ZW10: variants seen among roughly 807,000 people sequenced by gnomAD.
ZW10 encodes zw10 kinetochore protein, also known as centromere/kinetochore protein zw10 homolog.
In ZW10, 53 loss-of-function variants were observed where a neutral mutation model predicts 87.8. The ratio of observed to expected loss-of-function variants is 0.60; its 90% CI spans 0.48 to 0.76. ZW10 has a LOEUF of 0.76. Ranked by LOEUF, ZW10 falls within the 30% of genes least tolerant of loss-of-function variation. ZW10 has a pLI of 0.00. For missense variants in ZW10, 837 were observed against 923.0 expected (o/e 0.91, Z 1.21); for synonymous variants, 312 against 329.2 (o/e 0.95, Z 0.57).
At chr11:113,755,448 A>C (rs1257808114) in intron 7 of ZW10, among the ~76,000 whole-genome samples, 3 of 152,204 alleles carry the variant, frequency 2.0e-5, no homozygotes, top group Non-Finnish European at 4.4e-5. Context: ...AATTGCTGCA[A>C]TCTCATGATA....
chr11:113,764,338 A>C, intron 2 of ZW10, among the ~76,000 whole-genome samples: 1 of 152,202 alleles, frequency 6.6e-6, no homozygotes, highest in Non-Finnish European at 1.5e-5. Context: ...TGTCTTGGCT[A>C]TATGGGTCTT....
chr11:113,742,950 C>A (rs1393559855), intron 10 of ZW10, among the ~76,000 whole-genome samples: 2 of 152,202 alleles, frequency 1.3e-5, no homozygotes, highest in Non-Finnish European at 2.9e-5. Flanking sequence ...CTAACTGAAA[C>A]TGTTTTCTCT....
intron 15 of ZW10, 107 bp from the exon 16 acceptor site, chr11:113,733,921 T>A: frequency 7.4e-7 from 1 of 1,344,662 alleles, no homozygotes; most frequent in African/African-American, 1.5e-5. Flanking sequence ...GAAATGGAAA[T>A]AAAACAAATC....
intron 15 of ZW10, among the ~76,000 whole-genome samples, chr11:113,734,774 C>T (rs1282607253): frequency 6.6e-6 from 1 of 150,424 alleles, no homozygotes; most frequent in Non-Finnish European, 1.5e-5. Flanking sequence ...CACTGCACTC[C>T]AGCCTGGGCG....
Position 113,738,424 on chromosome 11 carries a change from TA to T in ZW10, c.1754-31del, listed in dbSNP as rs764492934. The T allele has an allele frequency of 3.7e-6, 6 of 1,604,318 alleles. No individual in the cohort carries two copies. In the African/African-American group the frequency reaches 8.1e-5, roughly 22 times the overall value. On this transcript the variant is annotated intron_variant, in intron 12 of 15. Coordinates refer to ENST00000200135, the MANE Select transcript of ZW10 (RefSeq NM_004724.4). ...GATGGAAAAACAGAATAAAAAATTT[TA>T]AAAGCTGCTCAATTACACACTGCAA... is the stretch of plus-strand genomic sequence containing the variant.
intron 2 of ZW10, among the ~76,000 whole-genome samples, chr11:113,763,642 T>C (rs1386397874): frequency 6.6e-6 from 1 of 152,256 alleles, no homozygotes; most frequent in Non-Finnish European, 1.5e-5. Context: ...TTCATGTTTG[T>C]AGGCCGCATA....
Position 113,760,537 on chromosome 11 carries a change from G to C in ZW10, c.396C>G (p.Val132=). The change falls in exon 4 of 16, where the codon GTC becomes GTG. Residue 132 remains valine (V), a synonymous_variant. Coordinates refer to ENST00000200135, the MANE Select transcript of ZW10 (RefSeq NM_004724.4). ...YNCALTEKKY[V]TGAQRLEEAQ... is the part of the protein sequence containing the mutation. ...CCTCTTCCAGACGCTGAGCACCAGT[G>C]ACATACTTCTTCTCTGTTAATGCAC... The C allele has an allele frequency of 6.2e-7, 1 of 1,613,818 alleles. No homozygotes were observed. The highest frequency in any genetic ancestry group is 1.1e-5 in the South Asian group (1 of 90,986).
chr11:113,768,606 C>T lies in ZW10; in HGVS notation c.240+227G>A, dbSNP rs1483267394. Among the ~76,000 whole-genome samples, 4 of 152,124 alleles carry T rather than the reference C, an allele frequency of 2.6e-5. No homozygotes were observed. The South Asian group carries it at 8.3e-4, about 31-fold the overall frequency. ...GTGCTGGGATTACAGGCATGATGCA[C>T]CGGGCCTGGTCAAATTTTCTTCCAT... On this transcript the variant is annotated intron_variant, in intron 2 of 15. Coordinates refer to ENST00000200135, the MANE Select transcript of ZW10 (RefSeq NM_004724.4).
chr11:113,755,076 G>A (rs180834152), intron 7 of ZW10, among the ~76,000 whole-genome samples: 2 of 152,338 alleles, frequency 1.3e-5, no homozygotes, highest in East Asian at 3.9e-4. Context: ...TAAACAAGGA[G>A]ATTAATATGT....
chr11:113,736,274 CAA>C (rs113525581), intron 15 of ZW10, among the ~76,000 whole-genome samples: 5 of 136,404 alleles, frequency 3.7e-5, no homozygotes, highest in Admixed American at 7.4e-5. Flanking sequence ...GACCATGTCT[CAA>C]AAAAAAAAAA....
At chr11:113,766,673 CAA>C (rs34081366) in intron 2 of ZW10, among the ~76,000 whole-genome samples, 440 of 27,552 alleles carry the variant, frequency 0.016, no homozygotes, top group African/African-American at 0.053. Flanking sequence ...GACTCCATCT[CAA>C]AAAAAAAAAA....
intron 7 of ZW10, among the ~76,000 whole-genome samples, chr11:113,753,980 G>A (rs1321582308): frequency 6.6e-6 from 1 of 152,228 alleles, no homozygotes; most frequent in Non-Finnish European, 1.5e-5. Context: ...ACCTAGCTAA[G>A]ATAACCGACA....
chr11:113,763,729 G>A (rs1953885566), intron 2 of ZW10, among the ~76,000 whole-genome samples: 1 of 152,010 alleles, frequency 6.6e-6, no homozygotes, highest in South Asian at 2.1e-4. Context: ...TTATAAATAT[G>A]TTTAAGTTCC....
intron 15 of ZW10, 118 bp downstream of exon 15, chr11:113,736,502 A>G (rs999709788): frequency 2.0e-6 from 2 of 984,238 alleles, no homozygotes; most frequent in Admixed American, 3.8e-5. Flanking sequence ...CTGCTACTCA[A>G]TATGAAAGTC....
chr11:113,737,730 G>A (rs1001198413), intron 13 of ZW10, 27 bp from the exon 14 acceptor site: 10 of 1,561,348 alleles, frequency 6.4e-6, no homozygotes, highest in Non-Finnish European at 8.7e-6. Context: ...CTATTTACGT[G>A]GAAGAAAGAT....
intron 2 of ZW10, among the ~76,000 whole-genome samples, chr11:113,768,046 G>C (rs911253588): frequency 6.6e-6 from 1 of 152,072 alleles, no homozygotes; most frequent in Non-Finnish European, 1.5e-5. Context: ...CTATTACCAG[G>C]CACGAGATTC....
intron 1 of ZW10, among the ~76,000 whole-genome samples, chr11:113,771,009 G>A (rs1257580320): frequency 4.5e-5 from 6 of 133,486 alleles, no homozygotes; most frequent in Non-Finnish European, 9.3e-5. Context: ...GTCTCACTCC[G>A]TCGCCCAGGC....
chr11:113,735,711 T>G (rs754517113), intron 15 of ZW10, among the ~76,000 whole-genome samples: 1 of 152,202 alleles, frequency 6.6e-6, no homozygotes, highest in Non-Finnish European at 1.5e-5. Flanking sequence ...CTATTCTGCT[T>G]TGTGCAACGG....
chr11:113,748,398 C>A lies in ZW10; in HGVS notation c.948G>T (p.Leu316=). 1 of 1,602,862 alleles carries A rather than the reference C, an allele frequency of 6.2e-7. No homozygotes were observed. The highest frequency in any genetic ancestry group is 8.5e-7 in the Non-Finnish European group (1 of 1,176,540). The change falls in exon 8 of 16, where the codon CTG becomes CTT. Residue 316 remains leucine (L), a synonymous_variant. Coordinates refer to ENST00000200135, the MANE Select transcript of ZW10 (RefSeq NM_004724.4). ...GGACAGTAGATGTTTTTTCATTTTC[C>A]AGGTCAGTGTCAAGTGGCAAATCTG... The part of the protein sequence containing the change: ...QLLDLPLDTD[L]ENEKTSTVPL...
Sources: allele counts gnomAD v4.1 joint callset (sites outside exome capture counted in the v4.1 genomes callset), GRCh38; gene constraint gnomAD v4.1.1; transcripts MANE v1.5; gene names NCBI Gene and HGNC (gene_info 2026-07-23, HGNC 2026-07-21).